SUPT6H: variants seen among roughly 807,000 people sequenced by gnomAD.
The protein encoded by SUPT6H is transcription elongation factor SPT6.
SUPT6H carries 11 observed loss-of-function variants against 222.3 expected under a neutral mutation model. The ratio of observed to expected loss-of-function variants is 0.05; its 90% CI spans 0.03 to 0.08. SUPT6H has a LOEUF of 0.08. Among genes scored for constraint, SUPT6H ranks in the 10% least tolerant of loss-of-function variants. The pLI is 1.00. For synonymous variants in SUPT6H, 762 were observed against 801.2 expected, an observed-to-expected ratio of 0.95 and a Z score of 0.83; for missense variants, 1,422 against 2,216.0, an observed-to-expected ratio of 0.64 and a Z score of 7.19.
At chr17:28,678,692 A>G (rs867701068) in intron 10 of SUPT6H, 58 bp downstream of exon 10, 1 of 1,610,980 alleles carries the variant, frequency 6.2e-7, no homozygotes, top group African/African-American at 1.3e-5. Flanking sequence ...CATTACTACC[A>G]GGATACCACA....
Position 28,664,374 on chromosome 17 carries a change from G to A in SUPT6H, c.-32+2032G>A, listed in dbSNP as rs188270614. On this transcript the variant is annotated intron_variant, in intron 1 of 36. Transcript: ENST00000314616. ...AATACAAAAACTAGCCGGGCGTGGC[G>A]ACACGCCTGTAATCCCAGCTACTTG... Among the ~76,000 whole-genome samples the A allele has an allele frequency of 5.2e-4, 79 of 152,252 alleles. 2 individuals are homozygous for A. In the East Asian group the frequency reaches 0.012, roughly 23 times the overall value.
intron 30 of SUPT6H, among the ~76,000 whole-genome samples, chr17:28,697,403 G>C (rs1257061021): frequency 1.4e-4 from 21 of 152,178 alleles, no homozygotes; most frequent in African/African-American, 4.8e-4. Context: ...GAATTTTCCT[G>C]TTGTTCCCAA....
intron 35 of SUPT6H, chr17:28,700,727 C>T: frequency 1.1e-6 from 1 of 924,776 alleles, no homozygotes; most frequent in East Asian, 2.6e-5. Context: ...TTGGAACCCG[C>T]AAGCCACCAG....
chr17:28,668,482 T>C (rs1361108943), intron 1 of SUPT6H, among the ~76,000 whole-genome samples: 1 of 152,158 alleles, frequency 6.6e-6, no homozygotes, highest in Admixed American at 6.5e-5. Context: ...TTGAGCTAGA[T>C]TGGAGGCATT....
chr17:28,668,400 C>T (rs1174579709), intron 1 of SUPT6H, among the ~76,000 whole-genome samples: 1 of 152,220 alleles, frequency 6.6e-6, no homozygotes, highest in African/African-American at 2.4e-5. Flanking sequence ...GCAGTCTGCA[C>T]ATCTAGCTCC....
Position 28,700,918 on chromosome 17 carries a change from TTTAAC to T in SUPT6H, c.4807-21_4807-17del. On this transcript the variant is annotated intron_variant, in intron 35 of 36. Transcript: ENST00000314616. ...CAAACAAGCCCCACACCCATCCCTA[TTTAAC>T]TGTTCATGCCTCTCCAGGTATTCCC... is the stretch of plus-strand genomic sequence containing the variant. 1 of 1,597,152 alleles carries T rather than the reference TTTAAC, an allele frequency of 6.3e-7. No individual in the cohort carries two copies. The highest frequency in any genetic ancestry group is 8.6e-7 in the Non-Finnish European group (1 of 1,167,264).
chr17:28,689,937 C>T (rs2031560619), intron 25 of SUPT6H, 145 bp from the exon 26 acceptor site: 3 of 1,118,442 alleles, frequency 2.7e-6, no homozygotes, highest in Non-Finnish European at 3.8e-6. Flanking sequence ...TGAAAACCAC[C>T]TTTAGTAAAT....
At chr17:28,693,642 T>A in intron 27 of SUPT6H, 54 bp from the exon 28 acceptor site, 1 of 1,604,016 alleles carries the variant, frequency 6.2e-7, no homozygotes, top group Non-Finnish European at 8.5e-7. Context: ...CTTTTCTGAA[T>A]GAGCGATCTC....
Position 28,682,838 on chromosome 17 carries a change from C to G in SUPT6H, c.1709C>G (p.Ala570Gly), listed in dbSNP as rs1298756900. Residue 570 changes from alanine to glycine, a missense_variant, in exon 14 of 37, where the codon GCC (alanine) becomes GGC (glycine). This residue lies in a region of SUPT6H where 121 missense variants were observed against 158.0 expected (regional missense o/e 0.77). Transcript: ENST00000314616. ...TTTCCCGCGGAGCCCTTGGAGCTGG[C>G]CAAGGATTACGTTTGCAGGTAGGCA... is the stretch of plus-strand genomic sequence containing the variant. ...EQFPAEPLEL[A>G]KDYVCSQFPT... 1 of 1,613,976 alleles carries G rather than the reference C, an allele frequency of 6.2e-7. No individual in the cohort carries two copies. Among genetic ancestry groups the G allele is most frequent in the East Asian group, 2.2e-5 (1 of 44,884 alleles).
intron 1 of SUPT6H, among the ~76,000 whole-genome samples, chr17:28,666,938 G>GT (rs537803889): frequency 9.7e-4 from 147 of 152,074 alleles, no homozygotes; most frequent in Middle Eastern, 3.4e-3. Flanking sequence ...GGTTTTCAGG[G>GT]TTTTTTTAAT....
Position 28,684,531 on chromosome 17 carries a change from C to T in SUPT6H, c.2230-55C>T, listed in dbSNP as rs2031285256. The T allele has an allele frequency of 7.5e-6, 12 of 1,604,964 alleles. No homozygotes were observed. In the South Asian group the frequency reaches 1.1e-4, roughly 15 times the overall value. ...GTGTTTCCATAGCACTCTTGGTGAG[C>T]CTGATGACCATAATGTCATCATGTA... is the stretch of plus-strand genomic sequence containing the variant. On this transcript the variant is annotated intron_variant, in intron 17 of 36. Coordinates refer to ENST00000314616, the MANE Select transcript of SUPT6H (RefSeq NM_003170.5).
At position 28,667,440 on chromosome 17, in the gene SUPT6H, T is replaced by C. The variant is rs1423467616; in HGVS notation, c.-32+5098T>C. On this transcript the variant is annotated intron_variant, in intron 1 of 36. Coordinates refer to ENST00000314616, the MANE Select transcript of SUPT6H (RefSeq NM_003170.5). ...ATATATATATATATATATATATGTA[T>C]GTGTGTGTGTATACATATGTATGTA... is the stretch of plus-strand genomic sequence containing the variant. 5.9e-5 allele frequency among the ~76,000 whole-genome samples: 8 copies of C among 134,906 alleles called. No homozygotes were observed. The East Asian group carries it at 1.5e-3, about 25-fold the overall frequency. The allele number at this position is 134,906 out of a possible 152,430, so 88.5% of individuals were successfully genotyped here.
At position 28,687,031 on chromosome 17, in the gene SUPT6H, T is replaced by A. The variant is rs2031416768; in HGVS notation, c.2701-57T>A. On this transcript the variant is annotated intron_variant, in intron 21 of 36. Transcript: ENST00000314616. ...TTAAACCAGAATGGTTTGGATTTCC[T>A]CTTGATGTTGTAGCTAAGGGGATTT... The A allele has an allele frequency of 5.0e-6, 8 of 1,595,974 alleles. No homozygotes were observed. The East Asian group carries it at 1.8e-4, about 36-fold the overall frequency.
intron 19 of SUPT6H, among the ~76,000 whole-genome samples, chr17:28,685,917 A>G (rs1403352130): frequency 6.6e-6 from 1 of 152,240 alleles, no homozygotes; most frequent in Non-Finnish European, 1.5e-5. Context: ...AGTAAATCAT[A>G]AGAAACTGGA....
chr17:28,697,182 AT>A, intron 30 of SUPT6H, 100 bp downstream of exon 30: 1 of 986,464 alleles, frequency 1.0e-6, no homozygotes, highest in Non-Finnish European at 1.6e-6. Flanking sequence ...GGTCATAGGT[AT>A]TTTAGCTGTG....
chr17:28,701,673 TGGCTGCCCAC>T lies in SUPT6H; in HGVS notation c.*49_*58del. The T allele has an allele frequency of 6.5e-7, 1 of 1,546,906 alleles. No individual in the cohort carries two copies. Among genetic ancestry groups the T allele is most frequent in the East Asian group, 2.3e-5 (1 of 44,160 alleles). On this transcript the variant is annotated 3_prime_UTR_variant, in exon 37 of 37. Transcript: ENST00000314616. ...GTTACCTCTGAGGCTGGGAAAGGCC[TGGCTGCCCAC>T]TGCCTCCCTCCCTGCCCCTCCTTTT...
intron 11 of SUPT6H, among the ~76,000 whole-genome samples, chr17:28,680,164 G>T (rs892015190): frequency 6.6e-6 from 1 of 150,492 alleles, no homozygotes; most frequent in Non-Finnish European, 1.5e-5. Context: ...AAATTAGCTC[G>T]GTGTGGTGGC....
chr17:28,668,354 A>G (rs943611515), intron 1 of SUPT6H, among the ~76,000 whole-genome samples: 5 of 152,234 alleles, frequency 3.3e-5, no homozygotes, highest in Non-Finnish European at 7.3e-5. Context: ...ATTCTAGAGT[A>G]GTTCCCGCTT....
At position 28,687,489 on chromosome 17, in the gene SUPT6H, T is replaced by A; in HGVS notation, c.3006+18T>A. ...TCCTGAAGGTAGGATTGGAGTGAAT[T>A]CAGAAATTTTAAAACTTGCCATTTC... On this transcript the variant is annotated intron_variant, in intron 23 of 36. Transcript: ENST00000314616. 1 of 1,609,312 alleles carries A rather than the reference T, an allele frequency of 6.2e-7. No homozygotes were observed. Among genetic ancestry groups the A allele is most frequent in the South Asian group, 1.1e-5 (1 of 90,568 alleles).
Sources: allele counts gnomAD v4.1 joint callset (sites outside exome capture counted in the v4.1 genomes callset), GRCh38; gene constraint gnomAD v4.1.1; regional missense constraint gnomAD v4.1.1; transcripts MANE v1.5; gene names NCBI Gene and HGNC (gene_info 2026-07-23, HGNC 2026-07-21).